The following FIG4 variants were observed in gnomAD, a reference collection of about 807,000 sequenced individuals.
The protein encoded by FIG4 is FIG4 phosphoinositide 5-phosphatase.
Under a neutral mutation model 118.6 loss-of-function variants are expected in FIG4, and 112 were observed. The observed-to-expected ratio is 0.94, with a 90% CI of 0.81 to 1.11. The LOEUF is 1.11. Among genes scored for constraint, FIG4 ranks in the 50% least tolerant of loss-of-function variants. FIG4 has a pLI of 0.00. For missense variants in FIG4, 969 were observed against 1,111.7 expected, an observed-to-expected ratio of 0.87 and a Z score of 1.83; for synonymous variants, 369 against 381.2, an observed-to-expected ratio of 0.97 and a Z score of 0.37.
chr6:109,785,493 T>C (rs1777926425), intron 17 of FIG4, among the ~76,000 whole-genome samples: 1 of 152,234 alleles, frequency 6.6e-6, no homozygotes, highest in African/African-American at 2.4e-5. Context: ...AAATTAAATT[T>C]CATTAATTTG....
chr6:109,773,953 C>T (rs1044359907), intron 15 of FIG4, among the ~76,000 whole-genome samples: 3 of 152,062 alleles, frequency 2.0e-5, no homozygotes, highest in African/African-American at 4.8e-5. Flanking sequence ...GGACTATAGG[C>T]GTGTGCCACC....
chr6:109,786,520 T>G (rs1777963693), intron 18 of FIG4, 71 bp downstream of exon 18: 1 of 1,550,640 alleles, frequency 6.4e-7, no homozygotes, highest in Non-Finnish European at 8.9e-7. Context: ...TATATATGTC[T>G]GTCTTTACCA....
intron 10 of FIG4, among the ~76,000 whole-genome samples, chr6:109,757,087 C>A (rs1439378363): frequency 6.6e-6 from 1 of 152,124 alleles, no homozygotes. Context: ...GGCTCCTCCC[C>A]CTCTCTTTTT....
chr6:109,736,661 C>T (rs1205550736), intron 6 of FIG4, among the ~76,000 whole-genome samples: 1 of 152,150 alleles, frequency 6.6e-6, no homozygotes, highest in Non-Finnish European at 1.5e-5. Context: ...GCCTCCAATG[C>T]TACTAAATTT....
At chr6:109,774,846 T>A (rs988717817) in intron 15 of FIG4, among the ~76,000 whole-genome samples, 3 of 152,158 alleles carry the variant, frequency 2.0e-5, no homozygotes, top group Admixed American at 6.5e-5. Flanking sequence ...TCATTGTCCC[T>A]TCCACCCCCA....
chr6:109,715,132 A>G lies in FIG4; in HGVS notation c.121A>G (p.Ile41Val), dbSNP rs1775389277. ...AGAAACGAAATATCGTGTCTTGAAG[A>G]TTGATAGAACAGAACCAAAAGATTT... is the stretch of plus-strand genomic sequence containing the variant. ...NAETKYRVLK[I>V]DRTEPKDLVI... The change falls in exon 2 of 23, where the codon ATT becomes GTT. Residue 41 changes from isoleucine (I) to valine (V), a missense_variant. Physicochemically the swap from Ile to Val is conservative, Grantham distance 29. Coordinates refer to ENST00000230124, the MANE Select transcript of FIG4 (RefSeq NM_014845.6). 6.2e-7 allele frequency: 1 copy of G among 1,607,962 alleles called. No homozygotes were observed. Among genetic ancestry groups the G allele is most frequent in the Admixed American group, 1.7e-5 (1 of 59,984 alleles).
At chr6:109,804,138 G>A (rs1778502618) in intron 22 of FIG4, among the ~76,000 whole-genome samples, 1 of 152,084 alleles carries the variant, frequency 6.6e-6, no homozygotes, top group African/African-American at 2.4e-5. Flanking sequence ...GAGCAAGCAG[G>A]TTAATCTGGG....
chr6:109,712,788 T>C (rs1219559913), intron 1 of FIG4, among the ~76,000 whole-genome samples: 1 of 152,218 alleles, frequency 6.6e-6, no homozygotes, highest in African/African-American at 2.4e-5. Context: ...GCAGTTGTTT[T>C]GGAGGAAAAA....
chr6:109,786,260 A>G (rs1777952340), intron 17 of FIG4, 42 bp from the exon 18 acceptor site: 5 of 1,568,094 alleles, frequency 3.2e-6, no homozygotes, highest in Non-Finnish European at 4.4e-6. Context: ...TTTGCTTGCT[A>G]TAATCTCAGA....
At chr6:109,760,180 TA>T in intron 10 of FIG4, 69 bp from the exon 11 acceptor site, 1 of 1,370,360 alleles carries the variant, frequency 7.3e-7, no homozygotes, top group Non-Finnish European at 1.0e-6. Context: ...AGCTTAAAAG[TA>T]AACATGTTGA....
At chr6:109,806,170 A>G (rs1460969781) in intron 22 of FIG4, among the ~76,000 whole-genome samples, 1 of 152,186 alleles carries the variant, frequency 6.6e-6, no homozygotes, top group African/African-American at 2.4e-5. Flanking sequence ...AGACTTTGTC[A>G]TGCTATAACA....
In FIG4 at chr6:109,801,760, A is replaced by G. The variant is rs76740114; in HGVS notation, c.2546+4909A>G. Among the ~76,000 whole-genome samples the G allele has an allele frequency of 6.4e-4, 98 of 152,268 alleles. 1 individual carries two copies. In the East Asian group the frequency reaches 0.017, roughly 26 times the overall value. On this transcript the variant is annotated intron_variant, in intron 22 of 22. Coordinates refer to ENST00000230124, the MANE Select transcript of FIG4 (RefSeq NM_014845.6). ...ACACTGATGAGATGGGCATGACACA[A>G]TGGCCATGATTAACTCAACTTCATT...
At chr6:109,715,417 TTAGGA>T (rs1165386249) in intron 2 of FIG4, among the ~76,000 whole-genome samples, 1 of 152,142 alleles carries the variant, frequency 6.6e-6, no homozygotes, top group East Asian at 1.9e-4. Flanking sequence ...AAACACACTC[TTAGGA>T]TAAGATAATG....
intron 22 of FIG4, among the ~76,000 whole-genome samples, chr6:109,803,175 G>A (rs1226587766): frequency 6.6e-6 from 1 of 152,188 alleles, no homozygotes; most frequent in Non-Finnish European, 1.5e-5. Context: ...GGGAGCGATA[G>A]GCTTACATTT....
Position 109,789,329 on chromosome 6 carries a change from A to T in FIG4, c.2097-265A>T, listed in dbSNP as rs537784842. Among the ~76,000 whole-genome samples, 203 of 152,324 alleles carry T rather than the reference A, an allele frequency of 1.3e-3. 2 individuals are homozygous for T. The highest frequency in any genetic ancestry group is 2.5e-3 in the Non-Finnish European group (170 of 68,026). ...TTCACAGTTAAGACTGATAACATTG[A>T]AATTATCTAGTGCTGTTAATTAATG... is the stretch of plus-strand genomic sequence containing the variant. On this transcript the variant is annotated intron_variant, in intron 18 of 22. Transcript: ENST00000230124.
chr6:109,792,879 C>T (rs1037031017), intron 21 of FIG4, among the ~76,000 whole-genome samples: 1 of 151,370 alleles, frequency 6.6e-6, no homozygotes, highest in African/African-American at 2.4e-5. Context: ...TTAGTAGAGA[C>T]GGGGTTTCAC....
rs139186930 is a variant in FIG4, at chr6:109,793,835, A to G, written c.2459+1171A>G. On this transcript the variant is annotated intron_variant, in intron 21 of 22. Coordinates refer to ENST00000230124, the MANE Select transcript of FIG4 (RefSeq NM_014845.6). ...TGCCAAAGCAGCTCCTGTAACTTGC[A>G]CTTTTTTGAATATGCGTCATTGACT... Among the ~76,000 whole-genome samples, 68 of 152,314 alleles carry G rather than the reference A, an allele frequency of 4.5e-4. 1 individual carries two copies. In the East Asian group the frequency reaches 0.012, roughly 27 times the overall value.
intron 3 of FIG4, among the ~76,000 whole-genome samples, chr6:109,719,200 T>C (rs1775530929): frequency 6.6e-6 from 1 of 152,196 alleles, no homozygotes; most frequent in Non-Finnish European, 1.5e-5. Context: ...ATTGCAGATG[T>C]GAGTCACTAT....
chr6:109,756,057 T>G (rs1583689194), intron 10 of FIG4, among the ~76,000 whole-genome samples: 1 of 152,234 alleles, frequency 6.6e-6, no homozygotes, highest in East Asian at 1.9e-4. Flanking sequence ...TTTGACATGA[T>G]TTTGCAGCGG....
Sources: gnomAD v4.1 joint callset for allele counts (sites outside exome capture counted in the v4.1 genomes callset) on GRCh38, gnomAD v4.1.1 for gene constraint, MANE v1.5 for transcripts, NCBI Gene and HGNC (gene_info 2026-07-23, HGNC 2026-07-21) for gene names.